The following IL1RAPL2 variants were observed in gnomAD, a reference collection of about 807,000 sequenced individuals.
IL1RAPL2 encodes the protein interleukin 1 receptor accessory protein like 2, also known as X-linked interleukin-1 receptor accessory protein-like 2.
Under a neutral mutation model 44.1 loss-of-function variants are expected in IL1RAPL2, and 3 were observed. The ratio of observed to expected loss-of-function variants is 0.07; its 90% CI spans 0.03 to 0.18. The LOEUF is 0.18. Ranked by LOEUF, IL1RAPL2 falls within the 10% of genes least tolerant of loss-of-function variation. The probability of loss-of-function intolerance (pLI) is 1.00; values close to 1 mark genes in which losing one functional copy is unlikely to be tolerated. For missense variants in IL1RAPL2, 391 were observed against 496.4 expected (o/e 0.79, Z 2.02); for synonymous variants, 181 against 178.8 (o/e 1.01, Z -0.10).
chrX:104,850,291 G>C (rs892044572), intron 2 of IL1RAPL2, among the ~76,000 whole-genome samples: 7 of 111,280 alleles, frequency 6.3e-5, no homozygotes, highest in Non-Finnish European at 1.3e-4. Flanking sequence ...AACTAGGACT[G>C]GCTGAATTGT....
At chrX:104,871,143 G>A (rs1195963358) in intron 2 of IL1RAPL2, among the ~76,000 whole-genome samples, 1 of 111,487 alleles carries the variant, frequency 9.0e-6, no homozygotes, top group African/African-American at 3.2e-5. Context: ...TCCAGAGTAT[G>A]AAAAGATCCC....
chrX:104,582,822 CTCTTTCTTTCTTTCTTTCTTTCTT>C (rs778392028), intron 1 of IL1RAPL2, among the ~76,000 whole-genome samples: 2 of 40,663 alleles, frequency 4.9e-5, no homozygotes, highest in Non-Finnish European at 8.3e-5. Flanking sequence ...TCCTTTCTTT[CTCTTTCTTTCTTTCTTTCTTTCTT>C]TCTTTCTTTC....
chrX:105,247,603 A>ATATATATGTG (rs996281661), intron 4 of IL1RAPL2, among the ~76,000 whole-genome samples: 6 of 95,036 alleles, frequency 6.3e-5, no homozygotes, highest in African/African-American at 2.2e-4. Context: ...ATATATATAT[A>ATATATATGTG]TGTGTGTGTG....
intron 2 of IL1RAPL2, among the ~76,000 whole-genome samples, chrX:104,692,470 T>G (rs1330368919): frequency 9.1e-6 from 1 of 109,827 alleles, no homozygotes; most frequent in African/African-American, 3.3e-5. Flanking sequence ...CATTTAGCAT[T>G]AGGTATATCT....
At chrX:105,512,245 A>G (rs2036475731) in intron 6 of IL1RAPL2, among the ~76,000 whole-genome samples, 1 of 110,923 alleles carries the variant, frequency 9.0e-6, no homozygotes, top group Non-Finnish European at 1.9e-5. Flanking sequence ...TTCTTATTGA[A>G]CTCTGGTCAG....
chrX:105,371,978 A>G (rs185875410), intron 5 of IL1RAPL2, among the ~76,000 whole-genome samples: 1 of 111,417 alleles, frequency 9.0e-6, no homozygotes, highest in African/African-American at 3.3e-5. Context: ...TGACCCCTAA[A>G]TCTTGAAGCT....
intron 6 of IL1RAPL2, among the ~76,000 whole-genome samples, chrX:105,693,118 A>G (rs1199553602): frequency 9.0e-6 from 1 of 111,558 alleles, no homozygotes. Flanking sequence ...TTTACATGGT[A>G]TGGCAAACAG....
At chrX:105,195,868 C>A in intron 3 of IL1RAPL2, 120 bp downstream of exon 3, 1 of 647,948 alleles carries the variant, frequency 1.5e-6, no homozygotes, top group Non-Finnish European at 2.4e-6. Flanking sequence ...GGTTGCAGTA[C>A]ATGTGGAGCT....
At chrX:104,633,326 G>A (rs1929700904) in intron 1 of IL1RAPL2, among the ~76,000 whole-genome samples, 1 of 111,365 alleles carries the variant, frequency 9.0e-6, no homozygotes, top group African/African-American at 3.3e-5. Flanking sequence ...TCTCTGCCAG[G>A]CTTTGGTATC....
chrX:105,509,729 C>T (rs2036456022), intron 6 of IL1RAPL2, among the ~76,000 whole-genome samples: 1 of 111,190 alleles, frequency 9.0e-6, no homozygotes, highest in Non-Finnish European at 1.9e-5. Context: ...CTAAAAGCAA[C>T]CAAAACTAGG....
At chrX:105,043,244 GAAAA>G (rs1238229109) in intron 2 of IL1RAPL2, among the ~76,000 whole-genome samples, 1 of 110,024 alleles carries the variant, frequency 9.1e-6, no homozygotes, top group African/African-American at 3.3e-5. Context: ...TATAAAAAAA[GAAAA>G]AGAGAGTATT....
intron 2 of IL1RAPL2, among the ~76,000 whole-genome samples, chrX:105,005,378 G>A (rs946567145): frequency 9.0e-6 from 1 of 111,113 alleles, no homozygotes; most frequent in Non-Finnish European, 1.9e-5. Flanking sequence ...ATATATCTAT[G>A]CACCATGGAC....
At chrX:104,896,643 C>A (rs1432749326) in intron 2 of IL1RAPL2, among the ~76,000 whole-genome samples, 1 of 111,876 alleles carries the variant, frequency 8.9e-6, no homozygotes, top group Non-Finnish European at 1.9e-5. Context: ...ATGGACCAAT[C>A]AGCAGGATGT....
At chrX:104,585,276 T>TA (rs1273468292) in intron 1 of IL1RAPL2, among the ~76,000 whole-genome samples, 3 of 20,230 alleles carry the variant, frequency 1.5e-4, no homozygotes, top group Non-Finnish European at 2.0e-4. Flanking sequence ...ATATATTATA[T>TA]ATATTATATA....
chrX:104,634,085 C>A (rs1460827966), intron 1 of IL1RAPL2, among the ~76,000 whole-genome samples: 1 of 111,397 alleles, frequency 9.0e-6, no homozygotes, highest in Non-Finnish European at 1.9e-5. Context: ...TTATTACTGC[C>A]TTCATTTCGT....
chrX:105,206,742 C>T (rs1416946226), intron 3 of IL1RAPL2, among the ~76,000 whole-genome samples: 1 of 111,845 alleles, frequency 8.9e-6, no homozygotes, highest in Non-Finnish European at 1.9e-5. Context: ...AACTAGTCTT[C>T]TTGTTTTACC....
intron 6 of IL1RAPL2, among the ~76,000 whole-genome samples, chrX:105,569,630 T>C (rs192235186): frequency 3.8e-4 from 43 of 111,823 alleles, no homozygotes; most frequent in African/African-American, 1.4e-3. Flanking sequence ...GTGATTACCA[T>C]AGACAGAGCC....
At chrX:105,496,014 T>C (rs2036354427) in intron 6 of IL1RAPL2, among the ~76,000 whole-genome samples, 1 of 111,983 alleles carries the variant, frequency 8.9e-6, no homozygotes, top group Non-Finnish European at 1.9e-5. Flanking sequence ...ATATACAATC[T>C]ATTCTCTCTG....
chrX:105,355,299 A>G (rs1305774993), intron 5 of IL1RAPL2, among the ~76,000 whole-genome samples: 3 of 111,138 alleles, frequency 2.7e-5, no homozygotes, highest in South Asian at 7.7e-4. Context: ...CTTTAGCTGT[A>G]CTGGATTTCA....
Sources: gnomAD v4.1 joint callset for allele counts (sites outside exome capture counted in the v4.1 genomes callset) on GRCh38, gnomAD v4.1.1 for gene constraint, MANE v1.5 for transcripts, NCBI Gene and HGNC (gene_info 2026-07-23, HGNC 2026-07-21) for gene names.